Variants in ANKRD36B observed in about 807,000 individuals in gnomAD.
The protein encoded by ANKRD36B is ankyrin repeat domain 36B.
Under a neutral mutation model 135.7 loss-of-function variants are expected in ANKRD36B, and 37 were observed. The observed-to-expected ratio is 0.27, with a 90% CI of 0.21 to 0.36. The LOEUF (loss-of-function observed/expected upper bound fraction) is 0.36, where lower values mean the gene tolerates loss of function less well. ANKRD36B is among the 10% of genes least tolerant of loss of function. ANKRD36B has a pLI of 1.00. For synonymous variants in ANKRD36B, 179 were observed against 348.1 expected, an observed-to-expected ratio of 0.51 and a Z score of 5.41; for missense variants, 549 against 1,037.1, an observed-to-expected ratio of 0.53 and a Z score of 6.46.
At chr2:97,554,715 T>C (rs76592312) in intron 14 of ANKRD36B, among the ~76,000 whole-genome samples, 1 of 151,964 alleles carries the variant, frequency 6.6e-6, no homozygotes, top group Non-Finnish European at 1.5e-5. Context: ...GATGTGACGT[T>C]TGTAAAATCT....
chr2:97,573,087 C>T (rs1264056684), intron 6 of ANKRD36B, among the ~76,000 whole-genome samples: 3 of 152,032 alleles, frequency 2.0e-5, no homozygotes, highest in African/African-American at 4.8e-5. Context: ...CAACAGTCCC[C>T]GGTGGGTGAT....
At chr2:97,558,530 T>A (rs1206323780) in intron 10 of ANKRD36B, among the ~76,000 whole-genome samples, 1 of 151,908 alleles carries the variant, frequency 6.6e-6, no homozygotes, top group Admixed American at 6.6e-5. Flanking sequence ...GTAGAATTAA[T>A]GCAAAATTAT....
At chr2:97,575,505 A>G (rs1314618731) in intron 6 of ANKRD36B, among the ~76,000 whole-genome samples, 1 of 150,980 alleles carries the variant, frequency 6.6e-6, no homozygotes, top group Non-Finnish European at 1.5e-5. Flanking sequence ...TCTCCCCACT[A>G]ATGTTTTACA....
chr2:97,566,239 C>T (rs1368109534), intron 6 of ANKRD36B, among the ~76,000 whole-genome samples: 1 of 151,844 alleles, frequency 6.6e-6, no homozygotes, highest in Non-Finnish European at 1.5e-5. Context: ...GAGAATCGCT[C>T]AAACTCAGGA....
Position 97,556,958 on chromosome 2 carries a change from C to T in ANKRD36B, c.1048G>A (p.Gly350Ser), listed in dbSNP as rs1176068843. ...SLLNIATRIMGGGKSGTVSSQ... is the reference protein window; with the variant it reads ...SLLNIATRIMSGGKSGTVSSQ... Reference sequence around the variant, plus strand: ...TTACCTGTTCCAGATTTCCCACCGCCCATTATTCTTGTGGCAATATTCAAA... The same window carrying T: ...TTACCTGTTCCAGATTTCCCACCGCTCATTATTCTTGTGGCAATATTCAAA... Residue 350 changes from glycine (G) to serine (S), a missense_variant, in exon 12 of 44, where the codon GGC (glycine) becomes AGC (serine). Transcript: ENST00000359901. The T allele has an allele frequency of 5.7e-6, 9 of 1,591,728 alleles. No individual in the cohort carries two copies. The highest frequency in any genetic ancestry group is 7.7e-6 in the Non-Finnish European group (9 of 1,169,350).
At chr2:97,570,815 A>G (rs192605382) in intron 6 of ANKRD36B, among the ~76,000 whole-genome samples, 1 of 152,354 alleles carries the variant, frequency 6.6e-6, no homozygotes, top group East Asian at 1.9e-4. Flanking sequence ...AGTCCTTCCA[A>G]GTGAATCACC....
chr2:97,563,077 G>A (rs1440167143), intron 6 of ANKRD36B, among the ~76,000 whole-genome samples: 1 of 151,976 alleles, frequency 6.6e-6, no homozygotes, highest in Non-Finnish European at 1.5e-5. Flanking sequence ...ACTTTGTGGA[G>A]CTATTTTATG....
chr2:97,543,175 T>C (rs1182729359), intron 26 of ANKRD36B, among the ~76,000 whole-genome samples: 1 of 151,856 alleles, frequency 6.6e-6, no homozygotes, highest in Non-Finnish European at 1.5e-5. Flanking sequence ...CATTATCTCC[T>C]GCACCCAGTA....
chr2:97,586,442 C>A (rs1371239337), intron 1 of ANKRD36B, among the ~76,000 whole-genome samples: 1 of 150,566 alleles, frequency 6.6e-6, no homozygotes, highest in Non-Finnish European at 1.5e-5. Context: ...AACTGGGATT[C>A]AGTCCTAATG....
At chr2:97,569,369 T>C (rs1559215942) in intron 6 of ANKRD36B, among the ~76,000 whole-genome samples, 1 of 152,130 alleles carries the variant, frequency 6.6e-6, no homozygotes, top group Admixed American at 6.6e-5. Context: ...GCTGGACATA[T>C]CAAAACTATG....
intron 10 of ANKRD36B, among the ~76,000 whole-genome samples, chr2:97,558,270 A>C (rs1463815076): frequency 1.3e-5 from 2 of 152,058 alleles, no homozygotes; most frequent in Non-Finnish European, 2.9e-5. Context: ...TCGAATATGC[A>C]ACTGAACTCA....
intron 3 of ANKRD36B, among the ~76,000 whole-genome samples, 157 bp downstream of exon 3, chr2:97,584,787 A>T (rs2082865442): frequency 7.2e-6 from 1 of 139,376 alleles, no homozygotes; most frequent in Admixed American, 7.3e-5. Context: ...AAAAGTTCCA[A>T]TATTTAAAGT....
intron 43 of ANKRD36B, among the ~76,000 whole-genome samples, chr2:97,496,371 G>A (rs529206505): frequency 0.039 from 2,952 of 76,102 alleles, 248 homozygotes; most frequent in African/African-American, 0.098. Context: ...AAAGCAGCCA[G>A]TGCTGATAGA....
At chr2:97,533,916 C>T (rs191990550) in intron 34 of ANKRD36B, among the ~76,000 whole-genome samples, 2 of 94,442 alleles carry the variant, frequency 2.1e-5, no homozygotes, top group South Asian at 2.4e-4. Context: ...ATTAGCCAGG[C>T]ATGGTGTCAT....
In ANKRD36B at chr2:97,555,139, G is replaced by C; in HGVS notation, c.1099-7C>G. The C allele has an allele frequency of 1.2e-6, 2 of 1,611,820 alleles. No individual in the cohort carries two copies. The highest frequency in any genetic ancestry group is 1.7e-6 in the Non-Finnish European group (2 of 1,178,662). On this transcript the variant is annotated splice_region_variant and splice_polypyrimidine_tract_variant and intron_variant, in intron 13 of 43. Transcript: ENST00000359901. ...CTGTCTTGTCACTTGCAGTCTGAAA[G>C]TAATTTGAAGCAAATTATCAATAAA...
At chr2:97,532,889 C>T (rs2078676896) in intron 34 of ANKRD36B, among the ~76,000 whole-genome samples, 1 of 95,968 alleles carries the variant, frequency 1.0e-5, no homozygotes, top group Admixed American at 9.2e-5. Flanking sequence ...AGGTTCAAGC[C>T]ATGCAAACGT....
intron 43 of ANKRD36B, among the ~76,000 whole-genome samples, chr2:97,493,948 T>C (rs1255980978): frequency 9.7e-6 from 1 of 102,654 alleles, no homozygotes; most frequent in African/African-American, 2.7e-5. Flanking sequence ...TCTTGAAAGT[T>C]GTATTCTATG....
In ANKRD36B at chr2:97,541,710, G is replaced by A. The variant is rs2079158166; in HGVS notation, c.1885+201C>T. 71 of 494,806 alleles carry A rather than the reference G, an allele frequency of 1.4e-4. 13 individuals are homozygous for A. Among genetic ancestry groups the A allele is most frequent in the South Asian group, 1.1e-3 (70 of 65,446 alleles). The allele number at this position is 494,806 out of a possible 1,614,324, so 30.7% of individuals were successfully genotyped here. On this transcript the variant is annotated intron_variant, in intron 28 of 43. Coordinates refer to ENST00000359901, the MANE Select transcript of ANKRD36B (RefSeq NM_001393939.1). ...GTTATTCTTCCTAATTTCAATGTAGGGAAGTCTACAATCTTACTACTCAGA... is the reference window on the plus strand; with the variant it reads ...GTTATTCTTCCTAATTTCAATGTAGAGAAGTCTACAATCTTACTACTCAGA...
intron 21 of ANKRD36B, 37 bp from the exon 22 acceptor site, chr2:97,547,645 A>G: frequency 1.9e-6 from 3 of 1,554,982 alleles, no homozygotes; most frequent in Non-Finnish European, 2.6e-6. Flanking sequence ...AAATTAATAA[A>G]GTATGTTTCA....
Sources: gnomAD v4.1 joint callset for allele counts (sites outside exome capture counted in the v4.1 genomes callset) on GRCh38, gnomAD v4.1.1 for gene constraint, MANE v1.5 for transcripts, NCBI Gene and HGNC (gene_info 2026-07-23, HGNC 2026-07-21) for gene names.